The following MYO3A variants were observed in gnomAD, a reference collection of about 807,000 sequenced individuals.
The protein encoded by MYO3A is myosin IIIA.
Under a neutral mutation model 192.7 loss-of-function variants are expected in MYO3A, and 180 were observed. The observed-to-expected ratio is 0.93, with a 90% CI of 0.83 to 1.06. MYO3A has a LOEUF of 1.06. MYO3A is among the 50% of genes least tolerant of loss of function. MYO3A has a pLI of 0.00. For missense variants in MYO3A, 1,896 were observed against 1,905.0 expected (o/e 1.00, Z 0.09); for synonymous variants, 628 against 645.3 (o/e 0.97, Z 0.41).
chr10:25,942,725 T>G (rs369337800), intron 2 of MYO3A, among the ~76,000 whole-genome samples: 2 of 152,190 alleles, frequency 1.3e-5, no homozygotes, highest in Non-Finnish European at 2.9e-5. Flanking sequence ...CATATGCTCA[T>G]TGACCATTTG....
chr10:26,126,392 T>C (rs191329065), intron 19 of MYO3A, among the ~76,000 whole-genome samples: 85 of 152,284 alleles, frequency 5.6e-4, no homozygotes, highest in Non-Finnish European at 1.0e-3. Flanking sequence ...ACATTTCAAG[T>C]ATGCAATTCA....
chr10:26,037,236 A>G (rs1488140882), intron 10 of MYO3A, among the ~76,000 whole-genome samples: 1 of 152,222 alleles, frequency 6.6e-6, no homozygotes, highest in Non-Finnish European at 1.5e-5. Context: ...TACAAATCTT[A>G]ATCATCTATG....
chr10:26,122,490 A>C (rs927059243), intron 18 of MYO3A, among the ~76,000 whole-genome samples: 4 of 152,190 alleles, frequency 2.6e-5, no homozygotes, highest in African/African-American at 9.6e-5. Context: ...TCCCATAAAT[A>C]TCTCTCAAAT....
At chr10:25,968,215 G>GC (rs1392514793) in intron 4 of MYO3A, among the ~76,000 whole-genome samples, 3 of 152,182 alleles carry the variant, frequency 2.0e-5, no homozygotes, top group Non-Finnish European at 4.4e-5. Flanking sequence ...GATAAGAATG[G>GC]CCACTGGTTT....
In MYO3A at chr10:26,173,759, G is replaced by A; in HGVS notation, c.3495G>A (p.Lys1165=). Residue 1165 remains lysine, a synonymous_variant, in exon 30 of 35, where the codon AAG becomes AAA. Transcript: ENST00000642920. Reference sequence around the variant, plus strand: ...ATAAAGGAAGTGTATCTGTAGTGAAGACTTCCACTTTCAAACCTGAAGAGG... The same window carrying A: ...ATAAAGGAAGTGTATCTGTAGTGAAAACTTCCACTTTCAAACCTGAAGAGG... The part of the protein sequence containing the change: ...PNNKGSVSVV[K]TSTFKPEEET... 1 of 1,613,988 alleles carries A rather than the reference G, an allele frequency of 6.2e-7. No individual in the cohort carries two copies. Among genetic ancestry groups the A allele is most frequent in the Non-Finnish European group, 8.5e-7 (1 of 1,179,872 alleles).
chr10:25,935,948 T>A (rs1018138532), intron 2 of MYO3A, 118 bp downstream of exon 2: 13 of 152,220 alleles, frequency 8.5e-5, no homozygotes, highest in African/African-American at 3.1e-4. Flanking sequence ...TTATAAAAGA[T>A]AATTATTTTA....
intron 10 of MYO3A, among the ~76,000 whole-genome samples, chr10:26,046,868 A>G (rs1174358343): frequency 6.6e-6 from 1 of 152,226 alleles, no homozygotes; most frequent in Non-Finnish European, 1.5e-5. Flanking sequence ...GCATCATTCA[A>G]TGAAATATTA....
intron 14 of MYO3A, among the ~76,000 whole-genome samples, chr10:26,075,780 G>C (rs929120702): frequency 5.9e-5 from 8 of 134,940 alleles, no homozygotes; most frequent in Non-Finnish European, 1.1e-4. Flanking sequence ...ATATATATAT[G>C]ATATATATGT....
intron 2 of MYO3A, among the ~76,000 whole-genome samples, chr10:25,938,019 C>T (rs1836217979): frequency 6.6e-6 from 1 of 152,150 alleles, no homozygotes; most frequent in African/African-American, 2.4e-5. Flanking sequence ...AAAGGAGACA[C>T]CCGAAACTTG....
chr10:26,121,003 A>G (rs1383173377), intron 18 of MYO3A, among the ~76,000 whole-genome samples: 1 of 152,166 alleles, frequency 6.6e-6, no homozygotes, highest in African/African-American at 2.4e-5. Flanking sequence ...TGATTACTGT[A>G]GAACACATTT....
intron 4 of MYO3A, among the ~76,000 whole-genome samples, chr10:25,995,917 G>T (rs150046274): frequency 6.6e-6 from 1 of 152,190 alleles, no homozygotes; most frequent in Non-Finnish European, 1.5e-5. Flanking sequence ...GCCCCTACTG[G>T]GGAGTGCCTC....
chr10:26,009,485 G>A (rs1028214469), intron 6 of MYO3A, among the ~76,000 whole-genome samples: 3 of 152,200 alleles, frequency 2.0e-5, no homozygotes, highest in Non-Finnish European at 4.4e-5. Flanking sequence ...GTAAGTGAAA[G>A]GCAAGAGCTG....
At position 26,212,268 on chromosome 10, in the gene MYO3A, C is replaced by CTT. The variant is rs368369259; in HGVS notation, c.*313_*314dup. 8 of 439,776 alleles carry CTT rather than the reference C, an allele frequency of 1.8e-5. No individual in the cohort carries two copies. Among genetic ancestry groups the CTT allele is most frequent in the African/African-American group, 1.6e-4 (8 of 50,260 alleles). 27.2% of individuals were successfully genotyped at this position (439,776 alleles called of 1,614,324 possible). On this transcript the variant is annotated 3_prime_UTR_variant, in exon 35 of 35. Coordinates refer to ENST00000642920, the MANE Select transcript of MYO3A (RefSeq NM_017433.5). ...TGTTCCCCTAATCTATCACTTTGTT[C>CTT]TTTTTTTTTGTGACTCCTGTGGACT...
intron 6 of MYO3A, among the ~76,000 whole-genome samples, chr10:26,002,721 A>ATGAGTCAG (rs1840922765): frequency 6.7e-6 from 1 of 148,634 alleles, no homozygotes; most frequent in Admixed American, 6.7e-5. Context: ...TAATTGAAAA[A>ATGAGTCAG]GGTTGCTTTA....
chr10:26,131,214 T>C (rs1839513332), intron 20 of MYO3A, among the ~76,000 whole-genome samples: 1 of 152,222 alleles, frequency 6.6e-6, no homozygotes, highest in African/African-American at 2.4e-5. Flanking sequence ...CATTTTCCTA[T>C]TTAGTCCAAT....
intron 21 of MYO3A, among the ~76,000 whole-genome samples, chr10:26,144,693 A>G (rs1488494204): frequency 6.6e-6 from 1 of 152,304 alleles, no homozygotes; most frequent in East Asian, 1.9e-4. Context: ...CTTGACATCA[A>G]ACTGTGTTTT....
chr10:25,950,493 T>C (rs1366890933), intron 2 of MYO3A, among the ~76,000 whole-genome samples: 1 of 152,162 alleles, frequency 6.6e-6, no homozygotes, highest in Admixed American at 6.6e-5. Flanking sequence ...GTTGAGAGTT[T>C]ACTTGTCAAT....
intron 31 of MYO3A, among the ~76,000 whole-genome samples, chr10:26,186,635 C>T (rs1284973985): frequency 6.6e-6 from 1 of 152,128 alleles, no homozygotes; most frequent in Non-Finnish European, 1.5e-5. Context: ...TTTATATTCC[C>T]TTATCTGCTA....
chr10:25,961,131 C>T lies in MYO3A; in HGVS notation c.303+6123C>T, dbSNP rs185472494. Reference sequence around the variant, plus strand: ...TTGTTTATATCCTTCAAAACATTTTCGATAATGAATTTTTAATTTTTCTTC... The same window carrying T: ...TTGTTTATATCCTTCAAAACATTTTTGATAATGAATTTTTAATTTTTCTTC... On this transcript the variant is annotated intron_variant, in intron 4 of 34. Transcript: ENST00000642920. 1.1e-3 allele frequency among the ~76,000 whole-genome samples: 169 copies of T among 152,076 alleles called. 3 individuals carry two copies. In the East Asian group the frequency reaches 0.013, roughly 11 times the overall value.
Sources: gnomAD v4.1 joint callset for allele counts (sites outside exome capture counted in the v4.1 genomes callset) on GRCh38, gnomAD v4.1.1 for gene constraint, MANE v1.5 for transcripts, NCBI Gene and HGNC (gene_info 2026-07-23, HGNC 2026-07-21) for gene names.